Variants in PCDHA2 observed in about 807,000 individuals in gnomAD.
PCDHA2 encodes protocadherin alpha 2, also known as protocadherin alpha-2.
In PCDHA2, 58 loss-of-function variants were observed where a neutral mutation model predicts 66.0. The observed-to-expected ratio is 0.88, with a 90% CI of 0.71 to 1.09. PCDHA2 has a LOEUF of 1.09. PCDHA2 is among the 50% of genes least tolerant of loss of function. The pLI is 0.00. For missense variants in PCDHA2, 1,267 were observed against 1,242.3 expected, an observed-to-expected ratio of 1.02 and a Z score of -0.30; for synonymous variants, 634 against 554.0, an observed-to-expected ratio of 1.14 and a Z score of -2.03.
At chr5:141,004,573 G>A (rs2098171340) in intron 3 of PCDHA2, among the ~76,000 whole-genome samples, 1 of 152,220 alleles carries the variant, frequency 6.6e-6, no homozygotes, top group South Asian at 2.1e-4. Context: ...ATATCTCTGT[G>A]TTCTGCATCT....
chr5:140,857,788 G>GCTGC, intron 1 of PCDHA2: 1 of 1,597,732 alleles, frequency 6.3e-7, no homozygotes, highest in South Asian at 1.1e-5. Flanking sequence ...GTGAGCTGGT[G>GCTGC]CTGCGGTCGG....
At chr5:140,894,904 A>G (rs1422978967) in intron 1 of PCDHA2, among the ~76,000 whole-genome samples, 1 of 152,168 alleles carries the variant, frequency 6.6e-6, no homozygotes, top group Non-Finnish European at 1.5e-5. Context: ...TAATTTTCCT[A>G]TCTTTGTTGC....
rs563548858 is a variant in PCDHA2, at chr5:140,795,345, C to A, written c.381C>A (p.Asn127Lys). ...TGGAAGTGGAGGTGAAGGACATTAA[C>A]GACAACCCGCCAATATTTCCAATGA... is the stretch of plus-strand genomic sequence containing the variant. ...FHVEVEVKDI[N>K]DNPPIFPMTV... Residue 127 changes from asparagine to lysine, a missense_variant, in exon 1 of 4, where the codon AAC becomes AAA. Asn to Lys is a moderately conservative substitution (Grantham distance 94). Coordinates refer to ENST00000526136, the MANE Select transcript of PCDHA2 (RefSeq NM_018905.3). 1.4e-4 allele frequency: 233 copies of A among 1,614,068 alleles called. 1 individual carries two copies. The highest frequency in any genetic ancestry group is 1.8e-4 in the Admixed American group (11 of 59,998).
At chr5:140,853,674 G>A (rs1554146796) in intron 1 of PCDHA2, 1 of 988,402 alleles carries the variant, frequency 1.0e-6, no homozygotes, top group East Asian at 1.1e-4. Flanking sequence ...GGGGCCTATG[G>A]TCAACCTATC....
rs782058694 is a variant in PCDHA2 at position 140,883,215 on chromosome 5, A to G, written c.2388+85863A>G. On this transcript the variant is annotated intron_variant, in intron 1 of 3. Coordinates refer to ENST00000526136, the MANE Select transcript of PCDHA2 (RefSeq NM_018905.3). ...CTAGATTTCGAAGAAAAGAAATTAT[A>G]TGAAATATCCGTGGAGGCAGTTGAC... 2.5e-6 allele frequency: 4 copies of G among 1,613,954 alleles called. No individual in the cohort carries two copies. Among genetic ancestry groups the G allele is most frequent in the Non-Finnish European group, 3.4e-6 (4 of 1,180,034 alleles).
chr5:140,987,636 C>A (rs569411440), intron 3 of PCDHA2, among the ~76,000 whole-genome samples: 1 of 152,256 alleles, frequency 6.6e-6, no homozygotes, highest in African/African-American at 2.4e-5. Context: ...TGAGATAATG[C>A]ACACATATTG....
intron 1 of PCDHA2, chr5:140,823,584 C>T (rs150338314): frequency 6.2e-7 from 1 of 1,613,978 alleles, no homozygotes; most frequent in Non-Finnish European, 8.5e-7. Flanking sequence ...CGGGCTACAA[C>T]GCTTGGCTTT....
chr5:140,827,934 A>G (rs2150149860), intron 1 of PCDHA2: 1 of 1,010,264 alleles, frequency 9.9e-7, no homozygotes, highest in Admixed American at 2.3e-5. Flanking sequence ...ATGAAGTTAT[A>G]GCTAGCCAAC....
chr5:141,000,389 C>CTA (rs2097911342), intron 3 of PCDHA2, among the ~76,000 whole-genome samples: 14 of 62,576 alleles, frequency 2.2e-4, no homozygotes, highest in South Asian at 6.5e-4. Context: ...CTCTCTCTCT[C>CTA]TCTCTCTATA....
chr5:140,879,805 A>G (rs992856039), intron 1 of PCDHA2, among the ~76,000 whole-genome samples: 1 of 152,128 alleles, frequency 6.6e-6, no homozygotes, highest in Non-Finnish European at 1.5e-5. Flanking sequence ...TCCAGTTTCT[A>G]TTGGCTGTTG....
chr5:140,821,837 C>A, intron 1 of PCDHA2: 3 of 1,614,154 alleles, frequency 1.9e-6, no homozygotes, highest in Non-Finnish European at 8.5e-7. Flanking sequence ...CTTCTCCTTG[C>A]CTACTGGAAG....
At chr5:140,803,024 T>A (rs782082974) in intron 1 of PCDHA2, 2 of 1,614,026 alleles carry the variant, frequency 1.2e-6, no homozygotes, top group South Asian at 2.2e-5. Flanking sequence ...GGCTTTCGTA[T>A]GAGCTGCAGC....
chr5:140,857,354 G>A lies in PCDHA2; in HGVS notation c.2388+60002G>A, dbSNP rs1449369579. 2.5e-6 allele frequency: 4 copies of A among 1,598,262 alleles called. No homozygotes were observed. In the African/African-American group the frequency reaches 5.4e-5, roughly 22 times the overall value. ...GGACGGGGGCTCGCCTCCGCTGTGG[G>A]CCACGGCCAGCGTGTCTGTGGAGGT... On this transcript the variant is annotated intron_variant, in intron 1 of 3. Transcript: ENST00000526136.
At chr5:140,865,421 T>C (rs2048870756) in intron 1 of PCDHA2, 1 of 152,208 alleles carries the variant, frequency 6.6e-6, no homozygotes, top group Non-Finnish European at 1.5e-5. Context: ...TAGTAGTGTC[T>C]ACCTAGAAAA....
At chr5:140,839,380 TATG>T (rs2150297142) in intron 1 of PCDHA2, among the ~76,000 whole-genome samples, 147,881 of 151,388 alleles carry the variant, frequency 0.98, 72,191 homozygotes, top group East Asian at 1. Flanking sequence ...CATCAATTAT[TATG>T]ATGATGATGA....
chr5:140,984,086 A>C (rs187283969), intron 3 of PCDHA2, among the ~76,000 whole-genome samples: 1 of 152,356 alleles, frequency 6.6e-6, no homozygotes, highest in Admixed American at 6.5e-5. Flanking sequence ...GGAGTGAAGA[A>C]ATGATGGAGG....
chr5:140,930,794 T>G (rs2087114829), intron 1 of PCDHA2, among the ~76,000 whole-genome samples: 1 of 152,200 alleles, frequency 6.6e-6, no homozygotes, highest in Non-Finnish European at 1.5e-5. Context: ...TATAATAGAA[T>G]CCAGCATATA....
rs2056458194 is a variant in PCDHA2, at chr5:140,876,609, T to C, written c.2388+79257T>C. ...TGATTAGCGTGTCGGATCGTGACTC[T>C]GGAGCCAATGGACAGGTCATCTGCT... On this transcript the variant is annotated intron_variant, in intron 1 of 3. Coordinates refer to ENST00000526136, the MANE Select transcript of PCDHA2 (RefSeq NM_018905.3). The C allele has an allele frequency of 3.1e-6, 5 of 1,614,226 alleles. No individual in the cohort carries two copies. In the East Asian group the frequency reaches 1.1e-4, roughly 36 times the overall value.
At chr5:140,875,995 A>AATGAGAATTTTG (rs1554168162) in intron 1 of PCDHA2, 7 of 1,613,958 alleles carry the variant, frequency 4.3e-6, no homozygotes, top group Non-Finnish European at 5.9e-6. Context: ...GTTAAGTCTA[A>AATGAGAATTTTG]ATGAGAATTT....
Sources: gnomAD v4.1 joint callset for allele counts (sites outside exome capture counted in the v4.1 genomes callset) on GRCh38, gnomAD v4.1.1 for gene constraint, MANE v1.5 for transcripts, NCBI Gene and HGNC (gene_info 2026-07-23, HGNC 2026-07-21) for gene names.